SLC39A8: variants seen among roughly 807,000 people sequenced by gnomAD.
The protein encoded by SLC39A8 is solute carrier family 39 member 8.
Under a neutral mutation model 40.4 loss-of-function variants are expected in SLC39A8, and 15 were observed. That is an observed-to-expected ratio of 0.37 (90% CI 0.25 to 0.57). The LOEUF is 0.57. Among genes scored for constraint, SLC39A8 ranks in the 20% least tolerant of loss-of-function variants. The pLI is 0.75. For synonymous variants in SLC39A8, 223 were observed against 221.6 expected (o/e 1.01, Z -0.06); for missense variants, 472 against 558.8 (o/e 0.84, Z 1.57).
At chr4:102,334,103 G>A (rs2149053156) in intron 2 of SLC39A8, among the ~76,000 whole-genome samples, 1 of 152,266 alleles carries the variant, frequency 6.6e-6, no homozygotes. Context: ...AGAACCAATG[G>A]TTTGAATAGT....
At chr4:102,294,332 A>C (rs1349975350) in intron 6 of SLC39A8, among the ~76,000 whole-genome samples, 1 of 152,052 alleles carries the variant, frequency 6.6e-6, no homozygotes, top group Non-Finnish European at 1.5e-5. Flanking sequence ...GAATCCTGCC[A>C]AGTCAGTTTA....
rs556703398 is a variant in SLC39A8, at chr4:102,284,996, G to A, written c.841-16917C>T. 5.9e-5 allele frequency among the ~76,000 whole-genome samples: 9 copies of A among 152,156 alleles called. No homozygotes were observed. In the South Asian group the frequency reaches 6.2e-4, roughly 11 times the overall value. On this transcript the variant is annotated intron_variant, in intron 6 of 8. Coordinates refer to ENST00000356736, the MANE Select transcript of SLC39A8 (RefSeq NM_001135146.2). ...ATTGGTGTTTCCTCTGCTGCTAAAC[G>A]TTTCTGACTTTTATCCACTTTCACT... is the stretch of plus-strand genomic sequence containing the variant.
At chr4:102,276,075 A>G (rs548625379) in intron 6 of SLC39A8, among the ~76,000 whole-genome samples, 48 of 152,326 alleles carry the variant, frequency 3.2e-4, no homozygotes, top group South Asian at 6.2e-4. Flanking sequence ...AATTAAAAGA[A>G]CTAGAGAAGC....
intron 6 of SLC39A8, among the ~76,000 whole-genome samples, chr4:102,273,910 A>T (rs962364409): frequency 6.6e-6 from 1 of 152,202 alleles, no homozygotes; most frequent in African/African-American, 2.4e-5. Flanking sequence ...CAACATCAAC[A>T]AAAAGAACGG....
At chr4:102,261,132 T>G (rs968787944), downstream of SLC39A8, among the ~76,000 whole-genome samples, 5 of 52,092 alleles carry the variant, frequency 9.6e-5, no homozygotes. Context: ...ACATCAGTGT[T>G]GGAGAATCTT....
chr4:102,344,719 C>T lies in SLC39A8; in HGVS notation c.-57G>A, dbSNP rs1165589651. On this transcript the variant is annotated 5_prime_UTR_variant, in exon 2 of 9. Coordinates refer to ENST00000356736, the MANE Select transcript of SLC39A8 (RefSeq NM_001135146.2). ...ACGGGCTGCCGCGCAGAGGGACGCG[C>T]GCGGGCGCACTGGCGTCCTTGCCCA... 11 of 1,375,246 alleles carry T rather than the reference C, an allele frequency of 8.0e-6. No individual in the cohort carries two copies. Among genetic ancestry groups the T allele is most frequent in the Admixed American group, 4.0e-5 (1 of 25,260 alleles). The allele number at this position is 1,375,246 out of a possible 1,614,324, so 85.2% of individuals were successfully genotyped here.
intron 6 of SLC39A8, among the ~76,000 whole-genome samples, chr4:102,291,116 T>A (rs1035729755): frequency 2.0e-5 from 3 of 152,056 alleles, no homozygotes; most frequent in African/African-American, 7.2e-5. Context: ...TCCCTCATTT[T>A]TTTTTCACTT....
chr4:102,284,424 T>A (rs1733059172), intron 6 of SLC39A8, among the ~76,000 whole-genome samples: 1 of 152,206 alleles, frequency 6.6e-6, no homozygotes, highest in African/African-American at 2.4e-5. Context: ...ATTTTCTGTC[T>A]AGTTTGTCAT....
At chr4:102,258,517 A>C (rs975806338), downstream of SLC39A8, among the ~76,000 whole-genome samples, 23 of 152,128 alleles carry the variant, frequency 1.5e-4, no homozygotes, top group African/African-American at 5.1e-4. Context: ...GTCCAATCCA[A>C]TGCATCAATC....
intron 2 of SLC39A8, among the ~76,000 whole-genome samples, chr4:102,321,744 C>T (rs1033626010): frequency 1.3e-5 from 2 of 152,156 alleles, no homozygotes; most frequent in African/African-American, 2.4e-5. Flanking sequence ...GCTCCTGGGA[C>T]CCCAAATGCA....
At chr4:102,312,662 C>T (rs112019935) in intron 3 of SLC39A8, among the ~76,000 whole-genome samples, 102 of 152,252 alleles carry the variant, frequency 6.7e-4, no homozygotes, top group African/African-American at 2.3e-3. Flanking sequence ...GAGTTATGCA[C>T]GTTAGATGTA....
At chr4:102,288,770 T>C (rs557307784) in intron 6 of SLC39A8, among the ~76,000 whole-genome samples, 2 of 152,232 alleles carry the variant, frequency 1.3e-5, no homozygotes, top group African/African-American at 4.8e-5. Flanking sequence ...CAAGCCCCTC[T>C]TTTCAATTCT....
rs1734110573 is a variant in SLC39A8 at position 102,305,084 on chromosome 4, T to C, written c.580A>G (p.Ser194Gly). The change falls in exon 5 of 9, where the codon AGT becomes GGT. Residue 194 changes from serine (S) to glycine (G), a missense_variant. Ser to Gly is a moderately conservative substitution (Grantham distance 56). Around this residue, in one of 4 missense-constraint regions of SLC39A8, gnomAD observed 239 missense variants for 317.9 expected, o/e 0.75. Coordinates refer to ENST00000356736, the MANE Select transcript of SLC39A8 (RefSeq NM_001135146.2). The part of the protein sequence containing the change: ...EAFGFDPKVD[S>G]YVEKAVAVFG... Reference sequence around the variant, plus strand: ...ACAGCAACTGCCTTCTCAACATAACTGTCGACTTTGGGATCAAATCCAAAT... The same window carrying C: ...ACAGCAACTGCCTTCTCAACATAACCGTCGACTTTGGGATCAAATCCAAAT... The C allele has an allele frequency of 6.2e-7, 1 of 1,608,786 alleles. No individual in the cohort carries two copies.
chr4:102,316,395 C>T (rs1734658611), intron 2 of SLC39A8, among the ~76,000 whole-genome samples: 1 of 152,092 alleles, frequency 6.6e-6, no homozygotes, highest in Non-Finnish European at 1.5e-5. Context: ...GCATTATTCT[C>T]AATGACGTTG....
chr4:102,292,334 TTTAA>T (rs1186169605), intron 6 of SLC39A8, among the ~76,000 whole-genome samples: 5 of 152,122 alleles, frequency 3.3e-5, no homozygotes, highest in African/African-American at 7.2e-5. Context: ...TATTTGTCAA[TTTAA>T]TTAATTAACT....
At chr4:102,298,822 C>G (rs1042182698) in intron 6 of SLC39A8, among the ~76,000 whole-genome samples, 3 of 152,006 alleles carry the variant, frequency 2.0e-5, no homozygotes, top group African/African-American at 7.2e-5. Context: ...CAAAGTGATG[C>G]AGGACCCAGA....
At chr4:102,344,221 G>A (rs1736059676) in intron 2 of SLC39A8, among the ~76,000 whole-genome samples, 1 of 152,050 alleles carries the variant, frequency 6.6e-6, no homozygotes, top group South Asian at 2.1e-4. Context: ...TTCATCAGGC[G>A]TAAAACTGCA....
chr4:102,261,894 T>C lies in SLC39A8; in HGVS notation c.*1150A>G. ...CTTAAGTGACTTGGGAGTGTGAATC[T>C]AGGATGTTCAATTTTAGACCAATTT... On this transcript the variant is annotated 3_prime_UTR_variant, in exon 9 of 9. Transcript: ENST00000356736. 2.0e-6 allele frequency: 2 copies of C among 985,964 alleles called. No individual in the cohort carries two copies. The highest frequency in any genetic ancestry group is 1.7e-5 in the African/African-American group (1 of 57,352). The allele number at this position is 985,964 out of a possible 1,614,324, so 61.1% of individuals were successfully genotyped here. A position where few individuals can be genotyped will look rare whatever the true frequency, so the allele number is the denominator to read the frequency against.
intron 2 of SLC39A8, among the ~76,000 whole-genome samples, chr4:102,337,854 C>T (rs918586017): frequency 1.3e-5 from 2 of 152,086 alleles, no homozygotes; most frequent in African/African-American, 2.4e-5. Flanking sequence ...TAAAAAAATT[C>T]ATTATATATG....
Sources: gnomAD v4.1 joint callset for allele counts (sites outside exome capture counted in the v4.1 genomes callset) on GRCh38, gnomAD v4.1.1 for gene constraint, gnomAD v4.1.1 regional missense constraint, MANE v1.5 for transcripts, NCBI Gene and HGNC (gene_info 2026-07-23, HGNC 2026-07-21) for gene names.